ANK1: variants seen among roughly 807,000 people sequenced by gnomAD.
ANK1 encodes the protein ankyrin 1.
ANK1 carries 51 observed loss-of-function variants against 210.4 expected under a neutral mutation model. That is an observed-to-expected ratio of 0.24 (90% CI 0.19 to 0.31). The LOEUF is 0.31. ANK1 is among the 10% of genes least tolerant of loss of function. ANK1 has a pLI of 1.00. For missense variants in ANK1, 2,051 were observed against 2,504.4 expected (o/e 0.82, Z 3.86); for synonymous variants, 967 against 1,025.9 (o/e 0.94, Z 1.10).
rs183870975 is a variant in ANK1 at position 41,702,113 on chromosome 8, C to T, written c.2327G>A (p.Arg776His). The part of the protein sequence containing the change: ...DGTTPLAIAK[R>H]LGYISVTDVL... ...GTCGGTGACAGAAATGTAGCCCAAG[C>T]GCTTGGCTATGGCCAGAGGTGTGGT... Residue 776 changes from arginine (R) to histidine (H), a missense_variant, in exon 21 of 43, where the codon CGC (arginine) becomes CAC (histidine). Physicochemically the swap from Arg to His is conservative, Grantham distance 29. Transcript: ENST00000289734. 4 of 1,614,150 alleles carry T rather than the reference C, an allele frequency of 2.5e-6. No individual in the cohort carries two copies. Among genetic ancestry groups the T allele is most frequent in the Non-Finnish European group, 3.4e-6 (4 of 1,180,032 alleles).
intron 1 of ANK1, among the ~76,000 whole-genome samples, chr8:41,877,947 G>A (rs1180504434): frequency 2.0e-5 from 3 of 152,182 alleles, no homozygotes; most frequent in African/African-American, 7.2e-5. Flanking sequence ...ACAGGGACAG[G>A]AGGTTGGGAC....
At position 41,788,199 on chromosome 8, in the gene ANK1, G is replaced by A. The variant is rs565550476; in HGVS notation, c.27+9313C>T. ...TCGATGACAGATTCAAGACGATGTC[G>A]CCTCCTGTTTCTCTGATTGCGCCCT... On this transcript the variant is annotated intron_variant, in intron 1 of 42. Coordinates refer to ENST00000289734, the MANE Select transcript of ANK1 (RefSeq NM_000037.4). Among the ~76,000 whole-genome samples the A allele has an allele frequency of 5.9e-5, 9 of 152,278 alleles. No homozygotes were observed. The South Asian group carries it at 6.2e-4, about 11-fold the overall frequency.
chr8:41,876,746 A>C (rs1250260796), intron 1 of ANK1, among the ~76,000 whole-genome samples: 1 of 152,152 alleles, frequency 6.6e-6, no homozygotes, highest in Non-Finnish European at 1.5e-5. Flanking sequence ...TGAAGATGAA[A>C]GGTTTGTTGG....
intron 1 of ANK1, among the ~76,000 whole-genome samples, chr8:41,876,026 C>T (rs1197712157): frequency 6.6e-6 from 1 of 151,968 alleles, no homozygotes; most frequent in Admixed American, 6.6e-5. Flanking sequence ...CCCGCGACCT[C>T]GCAGGTTCGC....
intron 1 of ANK1, among the ~76,000 whole-genome samples, chr8:41,859,336 G>T (rs977951116): frequency 2.6e-5 from 4 of 152,014 alleles, no homozygotes; most frequent in South Asian, 2.1e-4. Flanking sequence ...TTGTTTGTTT[G>T]TGTTTGTTTG....
chr8:41,823,991 G>A (rs919433026), intron 1 of ANK1, among the ~76,000 whole-genome samples: 15 of 151,888 alleles, frequency 9.9e-5, no homozygotes, highest in Admixed American at 2.0e-4. Flanking sequence ...ACAGAGTCTC[G>A]CTCTGTTGCC....
At chr8:41,725,165 C>A (rs767332682) in intron 6 of ANK1, among the ~76,000 whole-genome samples, 38 of 152,360 alleles carry the variant, frequency 2.5e-4, no homozygotes, top group Middle Eastern at 3.4e-3. Context: ...GCAGGCCTAA[C>A]CCCACCCAGG....
chr8:41,757,355 A>G (rs1839394075), intron 2 of ANK1, among the ~76,000 whole-genome samples: 2 of 152,222 alleles, frequency 1.3e-5, no homozygotes, highest in South Asian at 4.1e-4. Context: ...CCTGTCACCA[A>G]TCCACAAGCC....
At chr8:41,742,621 C>T (rs1047367543) in intron 2 of ANK1, among the ~76,000 whole-genome samples, 8 of 152,296 alleles carry the variant, frequency 5.3e-5, no homozygotes, top group Admixed American at 2.0e-4. Context: ...GAAACACAAA[C>T]TTTGCATCAA....
chr8:41,720,169 T>C (rs1326665097), intron 9 of ANK1, among the ~76,000 whole-genome samples: 1 of 152,218 alleles, frequency 6.6e-6, no homozygotes, highest in Non-Finnish European at 1.5e-5. Context: ...TATTCTCATA[T>C]TTGCCCAATT....
intron 1 of ANK1, among the ~76,000 whole-genome samples, chr8:41,784,039 C>T (rs10096908): frequency 0.1 from 14,196 of 141,302 alleles, 997 homozygotes; most frequent in African/African-American, 0.2. Flanking sequence ...GACTTGGTGG[C>T]ATCGCAAGAC....
At chr8:41,896,244 C>G in intron 1 of ANK1, 1 of 1,375,896 alleles carries the variant, frequency 7.3e-7, no homozygotes, top group South Asian at 1.6e-5. Context: ...GCCGCCAACT[C>G]CGCCGCACCG....
chr8:41,785,615 T>C (rs1161074184), intron 1 of ANK1, among the ~76,000 whole-genome samples: 1 of 152,190 alleles, frequency 6.6e-6, no homozygotes, highest in African/African-American at 2.4e-5. Context: ...GGGTCCGACC[T>C]TCCCCTCTTG....
chr8:41,665,582 G>C (rs1038149106), intron 39 of ANK1: 1 of 316,572 alleles, frequency 3.2e-6, no homozygotes, highest in Admixed American at 4.7e-5. Context: ...GTGTCTCCTT[G>C]GGCTGCTACT....
chr8:41,799,265 C>T (rs879420141), upstream of ANK1, among the ~76,000 whole-genome samples: 1 of 152,118 alleles, frequency 6.6e-6, no homozygotes, highest in Non-Finnish European at 1.5e-5. Flanking sequence ...ACAGCCTCCC[C>T]GAAGGACAGA....
rs117199131 is a variant in ANK1 at position 41,831,540 on chromosome 8, C to T, written c.126+64815G>A. On this transcript the variant is annotated intron_variant, in intron 1 of 42. Coordinates refer to the ANK1 transcript ENST00000265709. ...GCACATGCCTGTAGTTCCAGCTACT[C>T]GGGAAACTGAGGCAGAAGGATTGCT... Among the ~76,000 whole-genome samples the T allele has an allele frequency of 4.4e-3, 652 of 149,502 alleles. 4 individuals are homozygous for T. The highest frequency in any genetic ancestry group is 0.015 in the African/African-American group (624 of 40,572).
intron 16 of ANK1, among the ~76,000 whole-genome samples, chr8:41,710,702 G>T (rs553405850): frequency 6.6e-6 from 1 of 152,250 alleles, no homozygotes; most frequent in Admixed American, 6.5e-5. Flanking sequence ...CAGGGCACGA[G>T]ATTTCCCCAC....
intron 1 of ANK1, among the ~76,000 whole-genome samples, chr8:41,814,523 C>G (rs923706048): frequency 6.6e-6 from 1 of 152,050 alleles, no homozygotes; most frequent in East Asian, 1.9e-4. Flanking sequence ...TTATCAGAAA[C>G]CTGTATTCCA....
At position 41,756,379 on chromosome 8, in the gene ANK1, C is replaced by T. The variant is rs539854069; in HGVS notation, c.129+1657G>A. On this transcript the variant is annotated intron_variant, in intron 2 of 42. Coordinates refer to ENST00000289734, the MANE Select transcript of ANK1 (RefSeq NM_000037.4). Reference sequence around the variant, plus strand: ...CAGGCTAGTCTCGAACTTCTGACCTCGTGATCTGCCTGCCTCGGCCTCCTA... The same window carrying T: ...CAGGCTAGTCTCGAACTTCTGACCTTGTGATCTGCCTGCCTCGGCCTCCTA... Among the ~76,000 whole-genome samples the T allele has an allele frequency of 1.5e-4, 22 of 151,538 alleles. No homozygotes were observed. The East Asian group carries it at 3.7e-3, about 25-fold the overall frequency.
Sources: gnomAD v4.1 joint callset for allele counts (sites outside exome capture counted in the v4.1 genomes callset) on GRCh38, gnomAD v4.1.1 for gene constraint, MANE v1.5 for transcripts, NCBI Gene and HGNC (gene_info 2026-07-23, HGNC 2026-07-21) for gene names.